The following RUNDC3B variants were observed in gnomAD, a reference collection of about 807,000 sequenced individuals.
The protein encoded by RUNDC3B is RUN domain-containing protein 3B.
Under a neutral mutation model 58.4 loss-of-function variants are expected in RUNDC3B, and 33 were observed. The ratio of observed to expected loss-of-function variants is 0.56; its 90% CI spans 0.43 to 0.75. The LOEUF is 0.75. RUNDC3B is among the 30% of genes least tolerant of loss of function. The pLI, the probability that RUNDC3B is intolerant of heterozygous loss-of-function variation, is 0.00. For synonymous variants in RUNDC3B, 193 were observed against 195.2 expected (o/e 0.99, Z 0.10); for missense variants, 501 against 535.7 (o/e 0.94, Z 0.64).
rs112714602 is a variant in RUNDC3B at position 87,745,129 on chromosome 7, G to A, written c.629+3550G>A. Among the ~76,000 whole-genome samples the A allele has an allele frequency of 3.1e-3, 465 of 152,266 alleles. 3 individuals are homozygous for A. The highest frequency in any genetic ancestry group is 0.01 in the African/African-American group (436 of 41,560). On this transcript the variant is annotated intron_variant, in intron 6 of 10. Transcript: ENST00000394654. ...TGTGGTGTACCACATTTATTGACTT[G>A]CATATGTTAAAGCATCCCTGCATCC...
intron 1 of RUNDC3B, among the ~76,000 whole-genome samples, chr7:87,630,172 T>C (rs1215480803): frequency 6.6e-6 from 1 of 152,232 alleles, no homozygotes; most frequent in African/African-American, 2.4e-5. Flanking sequence ...TTTCTTCCTT[T>C]GCAATTTCTC....
At chr7:87,740,849 C>T (rs946082173) in intron 5 of RUNDC3B, among the ~76,000 whole-genome samples, 2 of 152,108 alleles carry the variant, frequency 1.3e-5, no homozygotes, top group African/African-American at 2.4e-5. Context: ...TTTTATATCA[C>T]GTCACTAGCT....
intron 2 of RUNDC3B, among the ~76,000 whole-genome samples, chr7:87,675,653 C>CAAAAAAAAAAAAAA (rs200136132): frequency 1.8e-4 from 12 of 65,780 alleles, no homozygotes; most frequent in African/African-American, 2.9e-4. Flanking sequence ...TATTCACATG[C>CAAAAAAAAAAAAAA]AAAAAAAAAA....
At chr7:87,777,115 G>T (rs76771933) in intron 7 of RUNDC3B, among the ~76,000 whole-genome samples, 5 of 152,222 alleles carry the variant, frequency 3.3e-5, no homozygotes, top group African/African-American at 4.8e-5. Flanking sequence ...AAGAGTAAAA[G>T]GTTAAGAGAT....
At chr7:87,637,552 A>G (rs992224694) in intron 1 of RUNDC3B, among the ~76,000 whole-genome samples, 5 of 152,298 alleles carry the variant, frequency 3.3e-5, no homozygotes, top group African/African-American at 1.2e-4. Flanking sequence ...ACCCATGAAC[A>G]TAACCTATTT....
chr7:87,632,801 A>G (rs141944393), intron 1 of RUNDC3B, among the ~76,000 whole-genome samples: 1,528 of 152,270 alleles, frequency 0.01, 12 homozygotes, highest in Admixed American at 0.017. Flanking sequence ...TTCTCTTTCT[A>G]TGGCTTAACA....
intron 4 of RUNDC3B, chr7:87,713,460 G>A (rs1362071996): frequency 6.6e-6 from 1 of 152,080 alleles, no homozygotes; most frequent in African/African-American, 2.4e-5. Flanking sequence ...ACATGACTAT[G>A]GCTCCAAAGC....
chr7:87,694,184 C>T (rs1000916378), intron 2 of RUNDC3B: 1 of 329,276 alleles, frequency 3.0e-6, no homozygotes, highest in African/African-American at 2.2e-5. Context: ...AATATAATAA[C>T]CTATTTACTT....
At chr7:87,728,812 T>A (rs2130789440) in intron 4 of RUNDC3B, among the ~76,000 whole-genome samples, 1 of 152,344 alleles carries the variant, frequency 6.6e-6, no homozygotes, top group Non-Finnish European at 1.5e-5. Context: ...AAATTGGTAG[T>A]CATTCCTCCT....
intron 4 of RUNDC3B, among the ~76,000 whole-genome samples, chr7:87,714,572 T>G (rs1830375319): frequency 6.6e-6 from 1 of 152,168 alleles, no homozygotes; most frequent in Non-Finnish European, 1.5e-5. Context: ...AACCTATGAT[T>G]AGCAAGATAT....
intron 1 of RUNDC3B, among the ~76,000 whole-genome samples, chr7:87,646,782 C>A (rs1160798241): frequency 1.3e-5 from 2 of 152,060 alleles, no homozygotes; most frequent in Admixed American, 1.3e-4. Context: ...CTGAGATGGA[C>A]GTAGGAAATA....
chr7:87,749,706 T>A (rs533037089), intron 6 of RUNDC3B, among the ~76,000 whole-genome samples: 1 of 152,118 alleles, frequency 6.6e-6, no homozygotes, highest in East Asian at 1.9e-4. Flanking sequence ...AAGTAATACA[T>A]ATTCATGGTA....
intron 2 of RUNDC3B, 99 bp downstream of exon 2, chr7:87,651,036 C>T (rs901778962): frequency 6.5e-5 from 44 of 674,080 alleles, no homozygotes; most frequent in Non-Finnish European, 9.5e-5. Flanking sequence ...AGATAGCCAA[C>T]ATTCTATAAT....
At chr7:87,647,889 A>G (rs572970088) in intron 1 of RUNDC3B, among the ~76,000 whole-genome samples, 1 of 152,284 alleles carries the variant, frequency 6.6e-6, no homozygotes, top group Admixed American at 6.5e-5. Flanking sequence ...ACAGAAAAGA[A>G]ATGGAAAATG....
chr7:87,639,393 A>G (rs1247765277), intron 1 of RUNDC3B, among the ~76,000 whole-genome samples: 4 of 152,160 alleles, frequency 2.6e-5, no homozygotes, highest in African/African-American at 7.2e-5. Flanking sequence ...CATGATTTAT[A>G]TATGTCAGTT....
chr7:87,715,148 G>A (rs1349393966), intron 4 of RUNDC3B, among the ~76,000 whole-genome samples: 1 of 145,730 alleles, frequency 6.9e-6, no homozygotes, highest in Non-Finnish European at 1.5e-5. Context: ...TGAAGCCACA[G>A]GTAGTGTGAA....
Position 87,785,908 on chromosome 7 carries a change from G to T in RUNDC3B, c.956+7953G>T, listed in dbSNP as rs117903192. 1.1e-3 allele frequency among the ~76,000 whole-genome samples: 174 copies of T among 152,174 alleles called. 1 individual carries two copies. The East Asian group carries it at 0.024, about 21-fold the overall frequency. ...GGGTTGTGGGATCTTTTATAGTTAG[G>T]ATCCCCGAGGTGTGGTGTTCTGTAG... On this transcript the variant is annotated intron_variant, in intron 8 of 10. Coordinates refer to ENST00000394654, the MANE Select transcript of RUNDC3B (RefSeq NM_001134405.2).
intron 6 of RUNDC3B, among the ~76,000 whole-genome samples, chr7:87,751,075 T>A (rs1584099936): frequency 6.6e-6 from 1 of 152,200 alleles, no homozygotes; most frequent in African/African-American, 2.4e-5. Context: ...AAGGAAGGGA[T>A]CCAGTTTCAG....
At chr7:87,737,075 T>C (rs1412935290) in intron 4 of RUNDC3B, among the ~76,000 whole-genome samples, 3 of 150,916 alleles carry the variant, frequency 2.0e-5, no homozygotes, top group Admixed American at 6.6e-5. Context: ...TTTTTTTGTA[T>C]TTTTTGTATA....
Sources: allele counts gnomAD v4.1 joint callset (sites outside exome capture counted in the v4.1 genomes callset), GRCh38; gene constraint gnomAD v4.1.1; transcripts MANE v1.5; gene names NCBI Gene and HGNC (gene_info 2026-07-23, HGNC 2026-07-21).